LYPLAL1: variants seen among roughly 807,000 people sequenced by gnomAD.
LYPLAL1 encodes the protein lysophospholipase-like protein 1.
LYPLAL1 carries 23 observed loss-of-function variants against 19.7 expected under a neutral mutation model. That is an observed-to-expected ratio of 1.17 (90% confidence interval 0.84 to 1.65). The LOEUF (loss-of-function observed/expected upper bound fraction) is 1.65. Among genes scored for constraint, LYPLAL1 ranks in the 40% most tolerant of loss-of-function variants. The pLI is 0.00. For synonymous variants in LYPLAL1, 119 were observed against 96.3 expected (o/e 1.24, Z -1.38); for missense variants, 355 against 279.4 (o/e 1.27, Z -1.93).
At chr1:219,291,416 T>A in the LYPLAL1 span, among the ~76,000 whole-genome samples, 1 of 152,348 alleles carries the variant, frequency 6.6e-6, no homozygotes, top group East Asian at 1.9e-4. Flanking sequence ...ATATTTGAAA[T>A]AAGTGCCAGC....
chr1:219,188,899 G>C (rs1161439737), intron 2 of LYPLAL1, among the ~76,000 whole-genome samples: 1 of 151,644 alleles, frequency 6.6e-6, no homozygotes, highest in Non-Finnish European at 1.5e-5. Flanking sequence ...GTTTTTAGCT[G>C]TTTAAAAAAC....
At chr1:219,330,144 A>G in the LYPLAL1 span, among the ~76,000 whole-genome samples, 2 of 152,154 alleles carry the variant, frequency 1.3e-5, no homozygotes, top group Non-Finnish European at 2.9e-5. Context: ...AAAAAATTAA[A>G]CTTTCCATAG....
At chr1:219,375,515 A>AAAAAG in the LYPLAL1 span, among the ~76,000 whole-genome samples, 1 of 147,932 alleles carries the variant, frequency 6.8e-6, no homozygotes, top group Non-Finnish European at 1.5e-5. Flanking sequence ...AAAAAAAAAA[A>AAAAAG]GGAACAAATA....
the LYPLAL1 span, among the ~76,000 whole-genome samples, chr1:219,386,823 C>T: frequency 4.6e-5 from 7 of 152,230 alleles, no homozygotes; most frequent in African/African-American, 7.2e-5. Flanking sequence ...CTTCTTGGGA[C>T]GCATAATCAT....
chr1:219,289,139 A>G, the LYPLAL1 span, among the ~76,000 whole-genome samples: 2 of 137,520 alleles, frequency 1.5e-5, no homozygotes. Context: ...GAGGATGTGT[A>G]ACTGAGATAC....
chr1:219,342,788 A>T, the LYPLAL1 span, among the ~76,000 whole-genome samples: 1 of 152,174 alleles, frequency 6.6e-6, no homozygotes, highest in African/African-American at 2.4e-5. Context: ...GACTGAGTTG[A>T]CTCATTGTTT....
chr1:219,229,781 C>T, the LYPLAL1 span, among the ~76,000 whole-genome samples: 4 of 152,340 alleles, frequency 2.6e-5, no homozygotes, highest in African/African-American at 9.6e-5. Context: ...GAGCCACACC[C>T]TCATCGCATG....
the LYPLAL1 span, among the ~76,000 whole-genome samples, chr1:219,220,382 A>G: frequency 1.3e-5 from 2 of 151,614 alleles, no homozygotes; most frequent in African/African-American, 2.4e-5. Context: ...CTCAGAAGGC[A>G]TATCAAGCAG....
chr1:219,234,873 A>G, the LYPLAL1 span, among the ~76,000 whole-genome samples: 1 of 152,202 alleles, frequency 6.6e-6, no homozygotes, highest in Non-Finnish European at 1.5e-5. Context: ...GATAATGTAT[A>G]TGCAGCCTCT....
At chr1:219,374,483 G>T in the LYPLAL1 span, among the ~76,000 whole-genome samples, 10,707 of 152,162 alleles carry the variant, frequency 0.07, 506 homozygotes, top group South Asian at 0.14. Context: ...ATCCTCCCAT[G>T]ATTAACAAGA....
At chr1:219,202,114 G>T (rs1658157211) in intron 3 of LYPLAL1, among the ~76,000 whole-genome samples, 1 of 152,274 alleles carries the variant, frequency 6.6e-6, no homozygotes, top group South Asian at 2.1e-4. Context: ...GACTCAGAGT[G>T]CTGAGTTCTA....
chr1:219,340,532 T>C, the LYPLAL1 span, among the ~76,000 whole-genome samples: 29 of 152,164 alleles, frequency 1.9e-4, no homozygotes, highest in African/African-American at 7.0e-4. Context: ...TCCAGCTCCT[T>C]CTTACTTATT....
At chr1:219,375,490 TAAA>T in the LYPLAL1 span, among the ~76,000 whole-genome samples, 147 of 37,482 alleles carry the variant, frequency 3.9e-3, no homozygotes, top group African/African-American at 0.012. Context: ...AAACTCCTTC[TAAA>T]AAAAAAAAAA....
chr1:219,299,140 C>CTTTTTTTTTTTT, the LYPLAL1 span, among the ~76,000 whole-genome samples: 7 of 129,494 alleles, frequency 5.4e-5, no homozygotes, highest in Non-Finnish European at 8.0e-5. Flanking sequence ...CCTCCCCCAG[C>CTTTTTTTTTTTT]TTTTTTTTTT....
At chr1:219,333,800 G>C in the LYPLAL1 span, among the ~76,000 whole-genome samples, 2 of 151,932 alleles carry the variant, frequency 1.3e-5, no homozygotes, top group East Asian at 3.9e-4. Context: ...TACTTACTAA[G>C]CTATGTCTCA....
At chr1:219,337,207 A>G in the LYPLAL1 span, among the ~76,000 whole-genome samples, 1 of 151,976 alleles carries the variant, frequency 6.6e-6, no homozygotes, top group African/African-American at 2.4e-5. Context: ...AAGATCTTTA[A>G]CTTAATCACA....
the LYPLAL1 span, among the ~76,000 whole-genome samples, chr1:219,217,905 C>T: frequency 6.6e-6 from 1 of 151,962 alleles, no homozygotes; most frequent in Non-Finnish European, 1.5e-5. Context: ...CAATAAATTA[C>T]ATTTATGTGT....
chr1:219,390,148 CA>C, the LYPLAL1 span, among the ~76,000 whole-genome samples: 5 of 152,138 alleles, frequency 3.3e-5, no homozygotes, highest in African/African-American at 9.7e-5. Context: ...ATACTGACTA[CA>C]CTGTGTAAAT....
the LYPLAL1 span, among the ~76,000 whole-genome samples, chr1:219,219,705 T>G: frequency 6.6e-6 from 1 of 152,108 alleles, no homozygotes; most frequent in Non-Finnish European, 1.5e-5. Context: ...GGTAGGTGGG[T>G]TCATGTTTGT....
Sources: gnomAD v4.1 joint callset for allele counts (sites outside exome capture counted in the v4.1 genomes callset) on GRCh38, gnomAD v4.1.1 for gene constraint, MANE v1.5 for transcripts, NCBI Gene and HGNC (gene_info 2026-07-23, HGNC 2026-07-21) for gene names.